PPIG: variants seen among roughly 807,000 people sequenced by gnomAD.
The protein encoded by PPIG is peptidyl-prolyl cis-trans isomerase G.
In PPIG, 26 loss-of-function variants were observed where a neutral mutation model predicts 87.9. The observed-to-expected ratio is 0.30, with a 90% CI of 0.22 to 0.41. The LOEUF is 0.41. PPIG is among the 10% of genes least tolerant of loss of function. PPIG has a pLI of 1.00. For missense variants in PPIG, 722 were observed against 879.4 expected, an observed-to-expected ratio of 0.82 and a Z score of 2.26; for synonymous variants, 308 against 276.5, an observed-to-expected ratio of 1.11 and a Z score of -1.13.
At chr2:169,620,450 A>C (rs1162653156) in intron 9 of PPIG, among the ~76,000 whole-genome samples, 3 of 152,004 alleles carry the variant, frequency 2.0e-5, no homozygotes, top group Admixed American at 6.6e-5. Context: ...TTAATTTGCA[A>C]TAATTTGCCC....
At chr2:169,625,162 A>G (rs1452283872) in intron 9 of PPIG, among the ~76,000 whole-genome samples, 1 of 152,228 alleles carries the variant, frequency 6.6e-6, no homozygotes, top group Non-Finnish European at 1.5e-5. Context: ...TGTTCTCACC[A>G]TGCTATGAAA....
Position 169,603,979 on chromosome 2 carries a change from T to C in PPIG, c.-16-47T>C, listed in dbSNP as rs1257028158. On this transcript the variant is annotated intron_variant, in intron 2 of 13. Coordinates refer to ENST00000260970, the MANE Select transcript of PPIG (RefSeq NM_004792.3). ...TTTTTTTCCAGAAATTTGTGAAAGA[T>C]CTTTGCTATTTTAGTCTGCTTGTCT... The C allele has an allele frequency of 4.9e-6, 7 of 1,429,556 alleles. No individual in the cohort carries two copies. The South Asian group carries it at 6.1e-5, about 12-fold the overall frequency. 88.6% of individuals were successfully genotyped at this position (1,429,556 alleles called of 1,614,324 possible).
intron 6 of PPIG, among the ~76,000 whole-genome samples, 168 bp from the exon 7 acceptor site, chr2:169,608,501 TGA>T (rs772456905): frequency 2.0e-5 from 3 of 151,564 alleles, no homozygotes; most frequent in Non-Finnish European, 2.9e-5. Flanking sequence ...AAAAAAAAGA[TGA>T]GAGGGGAAAT....
Position 169,590,640 on chromosome 2 carries a change from C to T in PPIG, c.-70+6150C>T, listed in dbSNP as rs1411562243. On this transcript the variant is annotated intron_variant, in intron 1 of 13. Transcript: ENST00000260970. ...CCTGGGTGACAGAGGGAGGCTCCCT[C>T]TCAGAAAAACAAACAAACAAACAGA... 2.0e-5 allele frequency among the ~76,000 whole-genome samples: 3 copies of T among 152,150 alleles called. No homozygotes were observed. The East Asian group carries it at 5.8e-4, about 29-fold the overall frequency.
At chr2:169,601,264 A>G (rs188382656) in intron 1 of PPIG, among the ~76,000 whole-genome samples, 30 of 152,248 alleles carry the variant, frequency 2.0e-4, no homozygotes, top group African/African-American at 6.5e-4. Flanking sequence ...GCAATTTTAC[A>G]TTCTCACTTA....
rs764728623 is a variant in PPIG, at chr2:169,630,870, A to G, written c.644A>G (p.Asp215Gly). The change falls in exon 10 of 14, where the codon GAT becomes GGT. Residue 215 changes from aspartate to glycine, a missense_variant. By Grantham distance (94) the Asp-to-Gly change is moderately conservative. This residue lies in a region of PPIG where 142 missense variants were observed against 152.8 expected (regional missense o/e 0.93). Coordinates refer to ENST00000260970, the MANE Select transcript of PPIG (RefSeq NM_004792.3). ...DSSSDSQSSS[D>G]SSDSESATEE... ...TCAAGTGATTCTCAGTCCTCTTCTG[A>G]TTCCTCTGATTCCGAAAGTGCTACT... 1 of 1,610,786 alleles carries G rather than the reference A, an allele frequency of 6.2e-7. No homozygotes were observed. The highest frequency in any genetic ancestry group is 1.1e-5 in the South Asian group (1 of 89,506).
intron 1 of PPIG, among the ~76,000 whole-genome samples, chr2:169,597,792 C>T (rs1409354440): frequency 1.3e-5 from 2 of 152,156 alleles, no homozygotes; most frequent in African/African-American, 4.8e-5. Context: ...AGCCACCACG[C>T]CCAGCTCTCT....
intron 1 of PPIG, among the ~76,000 whole-genome samples, chr2:169,601,292 T>A (rs1685177031): frequency 6.6e-6 from 1 of 152,236 alleles, no homozygotes; most frequent in Admixed American, 6.5e-5. Flanking sequence ...CCTCTCACAT[T>A]TATTCATTCA....
intron 1 of PPIG, among the ~76,000 whole-genome samples, chr2:169,601,558 T>C (rs1279344704): frequency 2.6e-5 from 4 of 152,174 alleles, no homozygotes; most frequent in Admixed American, 2.6e-4. Flanking sequence ...AAGGTGATAC[T>C]TGAGCAACAA....
At chr2:169,619,041 C>A (rs1685675371) in intron 9 of PPIG, among the ~76,000 whole-genome samples, 1 of 152,168 alleles carries the variant, frequency 6.6e-6, no homozygotes, top group Admixed American at 6.6e-5. Context: ...CCTCGAAACA[C>A]TACTTTAGCT....
chr2:169,633,693 C>T lies in PPIG; in HGVS notation c.1017+446C>T, dbSNP rs151122698. 377 of 176,382 alleles carry T rather than the reference C, an allele frequency of 2.1e-3. 1 individual carries two copies. The highest frequency in any genetic ancestry group is 8.5e-3 in the African/African-American group (358 of 42,222). 10.9% of individuals were successfully genotyped at this position (176,382 alleles called of 1,614,324 possible). A position where few individuals can be genotyped will look rare whatever the true frequency, so the allele number is the denominator to read the frequency against. ...CTTCACTTCCTACTTATTCCTCAAGCATTTTAGTTGTCTTCCACTACCGTT... is the reference window on the plus strand; with the variant it reads ...CTTCACTTCCTACTTATTCCTCAAGTATTTTAGTTGTCTTCCACTACCGTT... On this transcript the variant is annotated intron_variant, in intron 12 of 13. Coordinates refer to ENST00000260970, the MANE Select transcript of PPIG (RefSeq NM_004792.3).
chr2:169,614,126 C>T (rs1401914014), intron 7 of PPIG, among the ~76,000 whole-genome samples: 1 of 152,086 alleles, frequency 6.6e-6, no homozygotes, highest in African/African-American at 2.4e-5. Flanking sequence ...ACATGTAGAA[C>T]ATTATACAAT....
chr2:169,607,150 TA>T lies in PPIG; in HGVS notation c.289+7del, dbSNP rs749732569. 1.3e-6 allele frequency: 2 copies of T among 1,517,994 alleles called. No homozygotes were observed. Among genetic ancestry groups the T allele is most frequent in the Non-Finnish European group, 9.1e-7 (1 of 1,100,868 alleles). 94.0% of individuals were successfully genotyped at this position (1,517,994 alleles called of 1,614,324 possible). A position where few individuals can be genotyped will look rare whatever the true frequency, so the allele number is the denominator to read the frequency against. On this transcript the variant is annotated splice_donor_region_variant and intron_variant, in intron 6 of 13. Coordinates refer to ENST00000260970, the MANE Select transcript of PPIG (RefSeq NM_004792.3). ...CTATCTATGGAGGATTTTTTGAAGG[TA>T]AAAATGTTTACATTTATATTATGTT...
chr2:169,638,650 C>T lies in PPIG; in HGVS notation c.*1127C>T, dbSNP rs2105527416. The stretch of plus-strand genomic sequence containing the variant: ...CTCTTCAGGTGGTTTTATACCATTA[C>T]TGTTAATGTTATTTTAACTTGGCAT... On this transcript the variant is annotated 3_prime_UTR_variant, in exon 14 of 14. Coordinates refer to ENST00000260970, the MANE Select transcript of PPIG (RefSeq NM_004792.3). The T allele has an allele frequency of 6.6e-6, 1 of 152,120 alleles. No homozygotes were observed. Among genetic ancestry groups the T allele is most frequent in the Non-Finnish European group, 1.5e-5 (1 of 67,902 alleles). The allele number at this position is 152,120 out of a possible 1,614,324, so 9.4% of individuals were successfully genotyped here.
chr2:169,611,379 A>G (rs1685483795), intron 7 of PPIG, among the ~76,000 whole-genome samples: 1 of 152,204 alleles, frequency 6.6e-6, no homozygotes, highest in Admixed American at 6.5e-5. Context: ...ATCTCTGCAC[A>G]TCACTAAATA....
In PPIG at chr2:169,610,514, G is replaced by A. The variant is rs564414179; in HGVS notation, c.377+1756G>A. Among the ~76,000 whole-genome samples, 19 of 150,464 alleles carry A rather than the reference G, an allele frequency of 1.3e-4. 1 individual carries two copies. Among genetic ancestry groups the A allele is most frequent in the Admixed American group, 8.6e-4 (13 of 15,086 alleles). On this transcript the variant is annotated intron_variant, in intron 7 of 13. Transcript: ENST00000260970. ...TGCATTTTTTTAAGTTTATGAAATA[G>A]TAACATTTCCAAAGTCAAAACAAAA...
intron 1 of PPIG, among the ~76,000 whole-genome samples, chr2:169,588,905 G>A (rs1461030389): frequency 1.5e-5 from 2 of 134,766 alleles, no homozygotes; most frequent in African/African-American, 5.6e-5. Context: ...GTTGCAGTGA[G>A]CCAAGATCGC....
At chr2:169,618,702 C>T (rs535683280) in intron 9 of PPIG, among the ~76,000 whole-genome samples, 3 of 152,086 alleles carry the variant, frequency 2.0e-5, no homozygotes, top group South Asian at 4.2e-4. Flanking sequence ...TGGTGATCTC[C>T]CCTTTATCAT....
chr2:169,600,078 ATTT>A (rs57602241), intron 1 of PPIG, among the ~76,000 whole-genome samples: 2 of 142,248 alleles, frequency 1.4e-5, no homozygotes, highest in Non-Finnish European at 3.1e-5. Context: ...GGAAAAAAAA[ATTT>A]TTTTTTTTTT....
Sources: allele counts gnomAD v4.1 joint callset (sites outside exome capture counted in the v4.1 genomes callset), GRCh38; gene constraint gnomAD v4.1.1; regional missense constraint gnomAD v4.1.1; transcripts MANE v1.5; gene names NCBI Gene and HGNC (gene_info 2026-07-23, HGNC 2026-07-21).